HECW2: variants seen among roughly 807,000 people sequenced by gnomAD.
HECW2 encodes E3 ubiquitin-protein ligase HECW2.
A neutral mutation model predicts 175.2 loss-of-function variants in HECW2; 61 were observed. The observed-to-expected ratio is 0.35, with a 90% CI of 0.28 to 0.43. The LOEUF is 0.43. Among genes scored for constraint, HECW2 ranks in the 20% least tolerant of loss-of-function variants. HECW2 has a pLI of 1.00. For missense variants in HECW2, 1,524 were observed against 2,000.5 expected, an observed-to-expected ratio of 0.76 and a Z score of 4.54; for synonymous variants, 671 against 731.0, an observed-to-expected ratio of 0.92 and a Z score of 1.32.
chr2:196,237,089 C>T (rs1688282099), intron 21 of HECW2, among the ~76,000 whole-genome samples: 1 of 152,192 alleles, frequency 6.6e-6, no homozygotes, highest in African/African-American at 2.4e-5. Flanking sequence ...CATCATGTGC[C>T]TACCCCAGAC....
chr2:196,411,748 C>T (rs527895939), intron 2 of HECW2, among the ~76,000 whole-genome samples: 6 of 152,330 alleles, frequency 3.9e-5, no homozygotes, highest in Middle Eastern at 3.4e-3. Context: ...CGGTGGCTCA[C>T]GCCTGTAATC....
intron 19 of HECW2, among the ~76,000 whole-genome samples, chr2:196,247,012 C>A (rs553759397): frequency 1.4e-4 from 21 of 152,114 alleles, no homozygotes; most frequent in African/African-American, 5.1e-4. Context: ...CCTGTAATCC[C>A]ATCACTTTGG....
At chr2:196,581,113 A>G (rs995064715) in intron 1 of HECW2, among the ~76,000 whole-genome samples, 15 of 152,364 alleles carry the variant, frequency 9.8e-5, no homozygotes, top group African/African-American at 2.9e-4. Context: ...GTAGTGGTTA[A>G]TAAGAGTTTG....
intron 2 of HECW2, among the ~76,000 whole-genome samples, chr2:196,363,841 G>A (rs1000280392): frequency 4.6e-5 from 7 of 152,048 alleles, no homozygotes; most frequent in African/African-American, 9.7e-5. Flanking sequence ...AAAAAGAAAG[G>A]AGGAAAAGAA....
intron 1 of HECW2, among the ~76,000 whole-genome samples, chr2:196,475,340 G>C (rs1459663025): frequency 6.6e-6 from 1 of 150,938 alleles, no homozygotes; most frequent in African/African-American, 2.4e-5. Context: ...GGGGGGAGAG[G>C]GAGGGAGGGG....
intron 22 of HECW2, 111 bp from the exon 23 acceptor site, chr2:196,225,981 T>A (rs1010185581): frequency 1.3e-5 from 9 of 668,034 alleles, no homozygotes; most frequent in Non-Finnish European, 2.2e-5. Flanking sequence ...TTTCCAATAT[T>A]AATTGCCTAC....
At chr2:196,484,851 A>G (rs1333527032) in intron 1 of HECW2, among the ~76,000 whole-genome samples, 1 of 152,158 alleles carries the variant, frequency 6.6e-6, no homozygotes, top group African/African-American at 2.4e-5. Context: ...AAAACTATGA[A>G]AGTGATGGAG....
At chr2:196,390,657 AC>A (rs1292608503) in intron 2 of HECW2, among the ~76,000 whole-genome samples, 1 of 151,902 alleles carries the variant, frequency 6.6e-6, no homozygotes, top group African/African-American at 2.4e-5. Context: ...GCCATCTATA[AC>A]CTTGTTGTTT....
Position 196,459,950 on chromosome 2 carries a change from C to A in HECW2, c.-35-26492G>T, listed in dbSNP as rs542477387. On this transcript the variant is annotated intron_variant, in intron 1 of 28. Coordinates refer to ENST00000644978, the MANE Select transcript of HECW2 (RefSeq NM_001348768.2). ...TCTCCCTTCCTAAATACACATGACTCCTCCTATTGCTTACAGAACACGAAT... is the reference window on the plus strand; with the variant it reads ...TCTCCCTTCCTAAATACACATGACTACTCCTATTGCTTACAGAACACGAAT... Among the ~76,000 whole-genome samples the A allele has an allele frequency of 3.1e-4, 47 of 152,290 alleles. No homozygotes were observed. In the South Asian group the frequency reaches 9.3e-3, roughly 30 times the overall value.
At chr2:196,339,926 T>C (rs1161518248) in intron 3 of HECW2, among the ~76,000 whole-genome samples, 2 of 152,190 alleles carry the variant, frequency 1.3e-5, no homozygotes, top group Non-Finnish European at 2.9e-5. Context: ...GTAAGCCCTA[T>C]AATGAAATAA....
At chr2:196,274,371 G>A (rs572108622) in intron 15 of HECW2, among the ~76,000 whole-genome samples, 2 of 152,318 alleles carry the variant, frequency 1.3e-5, no homozygotes, top group African/African-American at 4.8e-5. Flanking sequence ...TCTTTACCAA[G>A]TGGCACAGAA....
intron 17 of HECW2, among the ~76,000 whole-genome samples, chr2:196,262,304 G>C (rs1689327021): frequency 6.6e-6 from 1 of 152,072 alleles, no homozygotes; most frequent in South Asian, 2.1e-4. Flanking sequence ...TAGGATTATA[G>C]GAGTGAGCTA....
In HECW2 at chr2:196,301,775, G is replaced by C. The variant is rs140518721; in HGVS notation, c.2814+4713C>G. 1.6e-3 allele frequency among the ~76,000 whole-genome samples: 240 copies of C among 147,356 alleles called. 1 individual carries two copies. The highest frequency in any genetic ancestry group is 5.7e-3 in the African/African-American group (228 of 39,988). On this transcript the variant is annotated intron_variant, in intron 13 of 28. Transcript: ENST00000644978. The stretch of plus-strand genomic sequence containing the variant: ...TGTGTTTAAGTTCTTTGTAGACTCT[G>C]GACATTAGACCTTTGTCACATGGAC...
At chr2:196,337,714 C>T (rs940230496) in intron 3 of HECW2, among the ~76,000 whole-genome samples, 15 of 151,040 alleles carry the variant, frequency 9.9e-5, no homozygotes, top group African/African-American at 3.7e-4. Flanking sequence ...TTTGAATTCA[C>T]TAATCGAAAG....
At chr2:196,388,139 A>T (rs555223164) in intron 2 of HECW2, among the ~76,000 whole-genome samples, 4,470 of 151,890 alleles carry the variant, frequency 0.029, 207 homozygotes, top group African/African-American at 0.098. Context: ...AAAAAAAAAA[A>T]AATTTTTAAT....
chr2:196,593,327 CGCGGCCCCGA>C (rs1191435791), intron 1 of HECW2, among the ~76,000 whole-genome samples, 171 bp downstream of exon 1: 1 of 150,670 alleles, frequency 6.6e-6, no homozygotes, highest in Non-Finnish European at 1.5e-5. Context: ...CCGAGCGCGG[CGCGGCCCCGA>C]GCGGCCCCGC....
chr2:196,368,747 G>C (rs1575469355), intron 2 of HECW2, among the ~76,000 whole-genome samples: 2 of 151,918 alleles, frequency 1.3e-5, no homozygotes, highest in South Asian at 4.2e-4. Context: ...GATCAATTCT[G>C]CTGCTAAGAG....
At chr2:196,436,241 A>G (rs1259809569) in intron 1 of HECW2, among the ~76,000 whole-genome samples, 1 of 151,946 alleles carries the variant, frequency 6.6e-6, no homozygotes, top group Admixed American at 6.6e-5. Context: ...TCTACTACAA[A>G]ATAGAAAAAA....
At chr2:196,464,025 G>T (rs1696847798) in intron 1 of HECW2, among the ~76,000 whole-genome samples, 1 of 149,450 alleles carries the variant, frequency 6.7e-6, no homozygotes. Context: ...CCATCTTCCA[G>T]CTTTTCCTTT....
Sources: gnomAD v4.1 joint callset for allele counts (sites outside exome capture counted in the v4.1 genomes callset) on GRCh38, gnomAD v4.1.1 for gene constraint, MANE v1.5 for transcripts, NCBI Gene and HGNC (gene_info 2026-07-23, HGNC 2026-07-21) for gene names.